The following MORC2 variants were observed in gnomAD, a reference collection of about 807,000 sequenced individuals.
The protein encoded by MORC2 is MORC family CW-type zinc finger 2.
In MORC2, 30 loss-of-function variants were observed where a neutral mutation model predicts 136.0. The observed-to-expected ratio is 0.22, with a 90% confidence interval of 0.17 to 0.30. The LOEUF (loss-of-function observed/expected upper bound fraction) is 0.30, where lower values mean the gene tolerates loss of function less well. Among genes scored for constraint, MORC2 ranks in the 10% least tolerant of loss-of-function variants. The pLI is 1.00. For missense variants in MORC2, 922 were observed against 1,333.1 expected (o/e 0.69, Z 4.80); for synonymous variants, 439 against 487.0 (o/e 0.90, Z 1.30).
In MORC2 at chr22:30,942,101, A is replaced by C. The variant is rs1312619746; in HGVS notation, c.586+11T>G. On this transcript the variant is annotated intron_variant, in intron 7 of 25. Coordinates refer to ENST00000397641, the MANE Select transcript of MORC2 (RefSeq NM_001303256.3). ...CAGATTCTAGGGGCTACAGGCTCAA[A>C]GCCTACTTACCGCTGTCCCCAGGAA... The C allele has an allele frequency of 1.2e-6, 2 of 1,612,818 alleles. No individual in the cohort carries two copies. The highest frequency in any genetic ancestry group is 1.7e-5 in the Admixed American group (1 of 59,996).
chr22:30,941,851 G>A lies in MORC2; in HGVS notation c.698+40C>T, dbSNP rs746945961. 11 of 1,512,590 alleles carry A rather than the reference G, an allele frequency of 7.3e-6. No individual in the cohort carries two copies. The highest frequency in any genetic ancestry group is 2.8e-5 in the African/African-American group (2 of 72,710). 93.7% of individuals were successfully genotyped at this position (1,512,590 alleles called of 1,614,324 possible). A position where few individuals can be genotyped will look rare whatever the true frequency, so the allele number is the denominator to read the frequency against. On this transcript the variant is annotated intron_variant, in intron 8 of 25. Transcript: ENST00000397641. This position sits in a 1 kb window ranked among gnomAD's most constrained non-coding sequence, Gnocchi z 4.6. ...GAAGCCATCTCCTGAGAGCACAAAC[G>A]CCAGTTCCAGGGCCTCCCTCCCTTC...
chr22:30,936,029 T>C (rs1323284618), intron 17 of MORC2, among the ~76,000 whole-genome samples: 1 of 152,228 alleles, frequency 6.6e-6, no homozygotes, highest in African/African-American at 2.4e-5. Context: ...AATTTTACAA[T>C]GGACCTTTTA....
At position 30,956,801 on chromosome 22, in the gene MORC2, C is replaced by A; in HGVS notation, c.123-4G>T. 1.9e-6 allele frequency: 3 copies of A among 1,544,096 alleles called. No homozygotes were observed. The highest frequency in any genetic ancestry group is 1.7e-4 in the Middle Eastern group (1 of 5,982). On this transcript the variant is annotated splice_polypyrimidine_tract_variant and splice_region_variant and intron_variant, in intron 2 of 25. Transcript: ENST00000397641. ...TATTCTGGTGGCATCAGCATCTCTG[C>A]AAAGTGAAAAGAAAAGAATCATGTG...
At chr22:30,952,175 C>A (rs2040897992) in intron 3 of MORC2, among the ~76,000 whole-genome samples, 1 of 152,188 alleles carries the variant, frequency 6.6e-6, no homozygotes, top group African/African-American at 2.4e-5. Context: ...AAATTTCCAT[C>A]TGGAGGAAGC....
chr22:30,945,154 G>C (rs2040797485), intron 6 of MORC2, among the ~76,000 whole-genome samples: 1 of 152,128 alleles, frequency 6.6e-6, no homozygotes, highest in Non-Finnish European at 1.5e-5. Flanking sequence ...CCTCAGTCCT[G>C]TATCAGGAAA....
At position 30,938,151 on chromosome 22, in the gene MORC2, G is replaced by A; in HGVS notation, c.1128C>T (p.His376=). ...LNFVFGVNIE[H]RDLDGMFIYN... is the part of the protein sequence containing the mutation. ...AGATGAACATGCCATCCAGATCCCGGTGTTCAATGTTGACACCAAAAACAA... is the reference window on the plus strand; with the variant it reads ...AGATGAACATGCCATCCAGATCCCGATGTTCAATGTTGACACCAAAAACAA... Residue 376 remains histidine (H), a synonymous_variant, in exon 13 of 26, where the codon CAC becomes CAT. Transcript: ENST00000397641. The A allele has an allele frequency of 6.2e-7, 1 of 1,614,024 alleles. No homozygotes were observed. Among genetic ancestry groups the A allele is most frequent in the South Asian group, 1.1e-5 (1 of 91,080 alleles).
chr22:30,947,144 T>C (rs182681586), intron 5 of MORC2, among the ~76,000 whole-genome samples: 1 of 152,344 alleles, frequency 6.6e-6, no homozygotes, highest in East Asian at 1.9e-4. Context: ...CTATCTCCTG[T>C]CCCAGAAGTG....
chr22:30,966,302 C>T (rs144327672), intron 1 of MORC2, among the ~76,000 whole-genome samples: 1 of 152,126 alleles, frequency 6.6e-6, no homozygotes, highest in Non-Finnish European at 1.5e-5. Flanking sequence ...ACACAGTCAT[C>T]CATGAACATT....
rs1446996625 is a variant in MORC2, at chr22:30,925,562, G to C, written c.*1241C>G. ...GGGTGGCCATTGCTGATCTGGGTTA[G>C]GGAGATGCCAGAAACACACCCAGGT... On this transcript the variant is annotated 3_prime_UTR_variant, in exon 26 of 26. Coordinates refer to ENST00000397641, the MANE Select transcript of MORC2 (RefSeq NM_001303256.3). The C allele has an allele frequency of 6.5e-6, 1 of 154,466 alleles. No individual in the cohort carries two copies. Among genetic ancestry groups the C allele is most frequent in the African/African-American group, 2.4e-5 (1 of 41,416 alleles). The allele number at this position is 154,466 out of a possible 1,614,324, so 9.6% of individuals were successfully genotyped here.
intron 24 of MORC2, among the ~76,000 whole-genome samples, chr22:30,928,437 C>T (rs1229404665): frequency 1.3e-5 from 2 of 152,212 alleles, no homozygotes; most frequent in African/African-American, 2.4e-5. Flanking sequence ...AGGTGAAGCA[C>T]TCAGCACAGT....
intron 3 of MORC2, 53 bp downstream of exon 3, chr22:30,956,710 T>C: frequency 7.3e-7 from 1 of 1,361,550 alleles, no homozygotes; most frequent in Non-Finnish European, 1.0e-6. Flanking sequence ...TTAGGCACAG[T>C]AATAAATGCA....
intron 3 of MORC2, among the ~76,000 whole-genome samples, chr22:30,950,978 G>C (rs2040878448): frequency 6.6e-6 from 1 of 152,214 alleles, no homozygotes; most frequent in Non-Finnish European, 1.5e-5. Context: ...GAAGTACTGT[G>C]TCTATACATG....
At chr22:30,963,192 G>C in intron 1 of MORC2, 1 of 352,190 alleles carries the variant, frequency 2.8e-6, no homozygotes, top group Non-Finnish European at 4.0e-6. Context: ...TAACCAGGAT[G>C]GTCTCAATCT....
Position 30,946,357 on chromosome 22 carries a change from TC to T in MORC2, c.409del (p.Glu137LysfsTer7). On this transcript the variant is annotated frameshift_variant, in exon 6 of 26. Transcript: ENST00000397641. LOFTEE classifies it high-confidence loss of function. Reference protein sequence around the residue: ...CLFLSRTFHEEEGIDEVIVPL... With the variant: ...CLFLSRTFHEXEGIDEVIVPL... ...GGGACCTACTTCATCAATGCCTTCTTCCTCATGAAACGTGCGAGACAGGAAG... is the reference window on the plus strand; with the variant it reads ...GGGACCTACTTCATCAATGCCTTCTTCTCATGAAACGTGCGAGACAGGAAG... 6.2e-7 allele frequency: 1 copy of T among 1,608,950 alleles called. No individual in the cohort carries two copies. Among genetic ancestry groups the T allele is most frequent in the Non-Finnish European group, 8.5e-7 (1 of 1,177,344 alleles).
Position 30,934,824 on chromosome 22 carries a change from G to A in MORC2, c.2150C>T (p.Thr717Ile). The A allele has an allele frequency of 6.2e-7, 1 of 1,614,188 alleles. No individual in the cohort carries two copies. The highest frequency in any genetic ancestry group is 1.1e-5 in the South Asian group (1 of 91,082). The change falls in exon 19 of 26, where the codon ACT becomes ATT. Residue 717 changes from threonine to isoleucine, a missense_variant. Physicochemically the swap from Thr to Ile is moderately conservative, Grantham distance 89 (BLOSUM62 -1). This residue lies in a region of MORC2 where 184 missense variants were observed against 180.3 expected (regional missense o/e 1.02). Coordinates refer to ENST00000397641, the MANE Select transcript of MORC2 (RefSeq NM_001303256.3). This position sits in a 1 kb window ranked among gnomAD's most constrained non-coding sequence, Gnocchi z 4.4. ...REVPSPKVIK[T>I]PVVKKTESPI... is the part of the protein sequence containing the mutation. ...TGACTCTGTCTTCTTCACCACTGGA[G>A]TCTTGATGACTTTGGGAGAAGGAAC...
At chr22:30,950,098 G>A (rs528690306) in intron 4 of MORC2, among the ~76,000 whole-genome samples, 14 of 152,144 alleles carry the variant, frequency 9.2e-5, no homozygotes, top group Admixed American at 7.9e-4. Context: ...GGTCCAGCTC[G>A]AGAATGTTGT....
At chr22:30,950,337 G>GCGGGGCCCC in intron 4 of MORC2, 40 bp downstream of exon 4, 1 of 761,738 alleles carries the variant, frequency 1.3e-6, no homozygotes, top group Non-Finnish European at 2.3e-6. Flanking sequence ...TGGTTACATC[G>GCGGGGCCCC]CACCCCCCCA....
intron 1 of MORC2, among the ~76,000 whole-genome samples, chr22:30,960,315 A>G (rs1436424466): frequency 2.0e-5 from 3 of 152,204 alleles, no homozygotes; most frequent in Non-Finnish European, 2.9e-5. Flanking sequence ...AATTATAGGA[A>G]GACCTTTCCC....
intron 6 of MORC2, among the ~76,000 whole-genome samples, chr22:30,945,358 C>T (rs1201592250): frequency 1.3e-5 from 2 of 152,188 alleles, no homozygotes; most frequent in African/African-American, 4.8e-5. Context: ...AACAAGTTTG[C>T]TATGATTAAG....
Sources: allele counts gnomAD v4.1 joint callset (sites outside exome capture counted in the v4.1 genomes callset), GRCh38; gene constraint gnomAD v4.1.1; regional missense constraint gnomAD v4.1.1; non-coding constraint Gnocchi (gnomAD v3.1); transcripts MANE v1.5; gene names NCBI Gene and HGNC (gene_info 2026-07-23, HGNC 2026-07-21).